EVC: variants seen among roughly 807,000 people sequenced by gnomAD.
EVC encodes the protein evC complex member EVC.
A neutral mutation model predicts 118.9 loss-of-function variants in EVC; 116 were observed. The ratio of observed to expected loss-of-function variants is 0.98; its 90% CI spans 0.84 to 1.14. EVC has a LOEUF of 1.14. Ranked by LOEUF, EVC falls within the 50% of genes most tolerant of loss-of-function variation. The pLI, the probability that EVC is intolerant of heterozygous loss-of-function variation, is 0.00. For missense variants in EVC, 1,401 were observed against 1,246.4 expected, an observed-to-expected ratio of 1.12 and a Z score of -1.87; for synonymous variants, 619 against 534.7, an observed-to-expected ratio of 1.16 and a Z score of -2.18.
downstream of EVC, among the ~76,000 whole-genome samples, chr4:5,816,165 A>G (rs554804308): frequency 2.6e-5 from 4 of 152,180 alleles, no homozygotes; most frequent in South Asian, 6.2e-4. Context: ...GCTCCCGCTG[A>G]TGGACTTGGT....
At position 5,753,910 on chromosome 4, in the gene EVC, G is replaced by C. The variant is rs1484098544; in HGVS notation, c.1441G>C (p.Ala481Pro). 3.0e-5 allele frequency: 48 copies of C among 1,613,376 alleles called. No individual in the cohort carries two copies. The highest frequency in any genetic ancestry group is 4.1e-5 in the Non-Finnish European group (48 of 1,180,052). ...CTTCCTGGCTGAGGCCCAGCCGACT[G>C]CTGACCCGGAAAAGTTTCTCGAGGT... The part of the protein sequence containing the change: ...RSFLAEAQPT[A>P]DPEKFLEAFH... The change falls in exon 10 of 21, where the codon GCT becomes CCT. Residue 481 changes from alanine (A) to proline (P), a missense_variant. Physicochemically the swap from Ala to Pro is conservative, Grantham distance 27 (BLOSUM62 -1). Transcript: ENST00000264956.
chr4:5,780,688 G>C (rs565133738), intron 11 of EVC, among the ~76,000 whole-genome samples: 1 of 152,180 alleles, frequency 6.6e-6, no homozygotes, highest in Non-Finnish European at 1.5e-5. Context: ...CCAGTGCCTG[G>C]AAAGGTTGGT....
At chr4:5,772,796 G>C (rs1034452962) in intron 11 of EVC, among the ~76,000 whole-genome samples, 2 of 152,118 alleles carry the variant, frequency 1.3e-5, no homozygotes, top group South Asian at 2.1e-4. Context: ...ATGTCTCTCA[G>C]TTCCCCCAAG....
chr4:5,742,697 T>C lies in EVC; in HGVS notation c.801+883T>C, dbSNP rs1378291376. 6.6e-6 allele frequency among the ~76,000 whole-genome samples: 1 copy of C among 152,186 alleles called. No homozygotes were observed. The highest frequency in any genetic ancestry group is 1.5e-5 in the Non-Finnish European group (1 of 68,032). On this transcript the variant is annotated intron_variant, in intron 6 of 20. Transcript: ENST00000264956. The surrounding 1 kb of genome is among the most constrained non-coding windows in gnomAD (Gnocchi z 5.2). ...ATTGTTGTAATTATTGGCATTCTCA[T>C]TACTACCATCACCGCCATCATCATC...
At chr4:5,783,844 A>AACACC (rs1236837909) in intron 12 of EVC, 80 bp downstream of exon 12, 1 of 1,312,404 alleles carries the variant, frequency 7.6e-7, no homozygotes, top group Non-Finnish European at 1.1e-6. Context: ...TCACGTCCTG[A>AACACC]ACACCCACTA....
chr4:5,734,091 G>A (rs949849415), intron 5 of EVC, among the ~76,000 whole-genome samples: 3 of 152,174 alleles, frequency 2.0e-5, no homozygotes, highest in African/African-American at 4.8e-5. Context: ...AATCAGCCAC[G>A]GACCTGAGCT....
intron 12 of EVC, among the ~76,000 whole-genome samples, chr4:5,786,927 TC>T (rs1343289290): frequency 6.6e-6 from 1 of 152,024 alleles, no homozygotes; most frequent in Non-Finnish European, 1.5e-5. Context: ...CTGCCATATT[TC>T]CTCATTGATG....
chr4:5,821,829 ATTG>A, the EVC span: 8 of 1,597,900 alleles, frequency 5.0e-6, no homozygotes, highest in Non-Finnish European at 6.8e-6. This position sits in a 1 kb window ranked among gnomAD's most constrained non-coding sequence, Gnocchi z 4.4. Context: ...TGCGCCTGGG[ATTG>A]TTGTCATCTA....
At chr4:5,720,065 G>A (rs1169615070) in intron 2 of EVC, among the ~76,000 whole-genome samples, 33 of 152,260 alleles carry the variant, frequency 2.2e-4, no homozygotes. Context: ...CTGCCTTCCT[G>A]GAACCCTTCC....
intron 8 of EVC, among the ~76,000 whole-genome samples, chr4:5,751,565 G>C (rs1033654866): frequency 6.6e-6 from 1 of 152,252 alleles, no homozygotes; most frequent in Non-Finnish European, 1.5e-5. Context: ...CTAGTCTTGT[G>C]TTGTGGGAAC....
chr4:5,752,672 G>T (rs1730567362), intron 8 of EVC, 164 bp from the exon 9 acceptor site: 2 of 758,896 alleles, frequency 2.6e-6, no homozygotes. Context: ...GGCAGACGCA[G>T]ATCTCGCTCA....
chr4:5,793,372 A>C, intron 12 of EVC: 1 of 530,704 alleles, frequency 1.9e-6, no homozygotes. Flanking sequence ...AATAAATTTT[A>C]GATACTTCAA....
At chr4:5,823,058 A>C in the EVC span, among the ~76,000 whole-genome samples, 1 of 152,196 alleles carries the variant, frequency 6.6e-6, no homozygotes, top group Non-Finnish European at 1.5e-5. Flanking sequence ...TACTAGCTGC[A>C]GAACACTGGC....
rs4511946 is a variant in EVC, at chr4:5,728,041, G to C, written c.301-1266G>C. Among the ~76,000 whole-genome samples the C allele has an allele frequency of 3.9e-3, 598 of 151,744 alleles. 3 individuals carry two copies. Among genetic ancestry groups the C allele is most frequent in the South Asian group, 0.031 (146 of 4,764 alleles). On this transcript the variant is annotated intron_variant, in intron 2 of 20. Coordinates refer to ENST00000264956, the MANE Select transcript of EVC (RefSeq NM_153717.3). ...AGCTTTGTTCTTTTGGCTTAGGATT[G>C]ACTTGGCGATGCGGGCTCTTTTTTG...
In EVC at chr4:5,725,791, T is replaced by C. The variant is rs150849170; in HGVS notation, c.301-3516T>C. On this transcript the variant is annotated intron_variant, in intron 2 of 20. Transcript: ENST00000264956. ...ATTTTTGTCGTGAAATCTTTGCCTG[T>C]GCCTGTGTCCTGAATGGTATTGCCT... is the stretch of plus-strand genomic sequence containing the variant. Among the ~76,000 whole-genome samples the C allele has an allele frequency of 4.8e-3, 730 of 152,366 alleles. 6 individuals carry two copies. Among genetic ancestry groups the C allele is most frequent in the African/African-American group, 0.017 (690 of 41,596 alleles).
intron 8 of EVC, chr4:5,752,616 T>C: frequency 3.2e-6 from 2 of 620,634 alleles, no homozygotes; most frequent in South Asian, 3.8e-5. Flanking sequence ...CTAAGCTGCG[T>C]CAGCCTCCCC....
chr4:5,728,261 T>C (rs1472408304), intron 2 of EVC, among the ~76,000 whole-genome samples: 1 of 152,166 alleles, frequency 6.6e-6, no homozygotes, highest in African/African-American at 2.4e-5. Flanking sequence ...AGCAGTGGTT[T>C]GTAGTTCTCC....
intron 11 of EVC, among the ~76,000 whole-genome samples, chr4:5,776,607 T>G (rs1354329872): frequency 6.6e-6 from 1 of 152,182 alleles, no homozygotes; most frequent in Admixed American, 6.5e-5. Flanking sequence ...AGACTTGCCC[T>G]CCGATCCTTC....
In EVC at chr4:5,789,860, T is replaced by C. The variant is rs1405190702; in HGVS notation, c.1777-3748T>C. 2.0e-5 allele frequency among the ~76,000 whole-genome samples: 3 copies of C among 152,134 alleles called. No homozygotes were observed. Among genetic ancestry groups the C allele is most frequent in the African/African-American group, 4.8e-5 (2 of 41,432 alleles). Reference sequence around the variant, plus strand: ...ACGCAGCAAAGACCCCTATATACTTTAGTGGCAATGCAGACTCACCTTTCA... The same window carrying C: ...ACGCAGCAAAGACCCCTATATACTTCAGTGGCAATGCAGACTCACCTTTCA... On this transcript the variant is annotated intron_variant, in intron 12 of 20. Coordinates refer to ENST00000264956, the MANE Select transcript of EVC (RefSeq NM_153717.3). The surrounding 1 kb of genome is among the most constrained non-coding windows in gnomAD (Gnocchi z 4.3).
Sources: allele counts gnomAD v4.1 joint callset (sites outside exome capture counted in the v4.1 genomes callset), GRCh38; gene constraint gnomAD v4.1.1; non-coding constraint Gnocchi (gnomAD v3.1); transcripts MANE v1.5; gene names NCBI Gene and HGNC (gene_info 2026-07-23, HGNC 2026-07-21).